ZFHX3: variants seen among roughly 807,000 people sequenced by gnomAD.
ZFHX3 encodes the protein zinc finger homeobox 3, also known as zinc finger homeobox protein 3.
In ZFHX3, 42 loss-of-function variants were observed where a neutral mutation model predicts 279.1. That is an observed-to-expected ratio of 0.15 (90% CI 0.12 to 0.19). The LOEUF (loss-of-function observed/expected upper bound fraction) is 0.19. Ranked by LOEUF, ZFHX3 falls within the 10% of genes least tolerant of loss-of-function variation. The probability of loss-of-function intolerance (pLI) is 1.00; values close to 1 mark genes in which losing one functional copy is unlikely to be tolerated. For missense variants in ZFHX3, 4,981 were observed against 4,754.0 expected (o/e 1.05, Z -1.40); for synonymous variants, 2,293 against 1,957.8 (o/e 1.17, Z -4.52).
At chr16:73,753,137 A>G (rs928285033) in intron 1 of ZFHX3, among the ~76,000 whole-genome samples, 1 of 152,186 alleles carries the variant, frequency 6.6e-6, no homozygotes, top group Non-Finnish European at 1.5e-5. Flanking sequence ...ATGTGCCTTA[A>G]GACATGTGTT....
At chr16:73,020,875 C>T (rs1398005642) in intron 1 of ZFHX3, among the ~76,000 whole-genome samples, 1 of 152,094 alleles carries the variant, frequency 6.6e-6, no homozygotes, top group Non-Finnish European at 1.5e-5. Context: ...CCCCCCAATA[C>T]TCTTCCATAG....
At chr16:73,483,013 A>T (rs2018897757) in intron 2 of ZFHX3, among the ~76,000 whole-genome samples, 1 of 152,260 alleles carries the variant, frequency 6.6e-6, no homozygotes, top group Non-Finnish European at 1.5e-5. Flanking sequence ...AGAGCTTCGT[A>T]GCTAAATCCT....
intron 3 of ZFHX3, among the ~76,000 whole-genome samples, chr16:72,897,804 T>C (rs1224933709): frequency 6.6e-6 from 1 of 152,134 alleles, no homozygotes; most frequent in East Asian, 1.9e-4. Context: ...GTTTTCATCC[T>C]TGGAGGAGCC....
chr16:72,805,127 A>T (rs1217687125), intron 7 of ZFHX3, among the ~76,000 whole-genome samples: 1 of 150,800 alleles, frequency 6.6e-6, no homozygotes, highest in Non-Finnish European at 1.5e-5. Context: ...ACAGATGTGC[A>T]CCACCACGCC....
At chr16:73,595,740 A>T (rs1489131342) in intron 2 of ZFHX3, among the ~76,000 whole-genome samples, 1 of 152,090 alleles carries the variant, frequency 6.6e-6, no homozygotes. Flanking sequence ...ACTTGAACTG[A>T]CTTTACCATC....
chr16:73,371,317 A>T (rs1430629536), intron 3 of ZFHX3, among the ~76,000 whole-genome samples: 1 of 151,724 alleles, frequency 6.6e-6, no homozygotes, highest in East Asian at 2.0e-4. Context: ...AAAACAAAAG[A>T]CCTCATCATT....
chr16:72,900,358 A>G (rs919873932), intron 3 of ZFHX3, among the ~76,000 whole-genome samples: 4 of 152,196 alleles, frequency 2.6e-5, no homozygotes, highest in Non-Finnish European at 2.9e-5. Context: ...ATCCCATGAC[A>G]GTCAATCCAG....
In ZFHX3 at chr16:73,037,315, T is replaced by C. The variant is rs1010605198; in HGVS notation, c.-50+10437A>G. Among the ~76,000 whole-genome samples the C allele has an allele frequency of 2.0e-5, 3 of 152,314 alleles. No homozygotes were observed. In the South Asian group the frequency reaches 6.2e-4, roughly 32 times the overall value. On this transcript the variant is annotated intron_variant, in intron 1 of 9. Coordinates refer to ENST00000268489, the MANE Select transcript of ZFHX3 (RefSeq NM_006885.4). ...CTGTAAAATTCTGCATCTCTTTAAGTTCTAAGAAAAGCGGTTTTTAGGGAA... is the reference window on the plus strand; with the variant it reads ...CTGTAAAATTCTGCATCTCTTTAAGCTCTAAGAAAAGCGGTTTTTAGGGAA...
intron 2 of ZFHX3, among the ~76,000 whole-genome samples, chr16:73,493,900 A>T (rs2019093852): frequency 6.6e-6 from 1 of 150,912 alleles, no homozygotes. Flanking sequence ...CACGATAAAA[A>T]GCCAAATTAA....
chr16:72,948,117 C>T (rs1305265645), intron 3 of ZFHX3, among the ~76,000 whole-genome samples: 1 of 152,126 alleles, frequency 6.6e-6, no homozygotes, highest in Non-Finnish European at 1.5e-5. Context: ...CAGGAGTGAG[C>T]GGGAGAGCTC....
chr16:72,796,270 G>C lies in ZFHX3; in HGVS notation c.6412C>G (p.Pro2138Ala). Reference sequence around the variant, plus strand: ...TTGTTCTGCTGCTGGAGCAGGGTTGGATTGAGCTGATGCTGGTAGAGTTGG... The same window carrying C: ...TTGTTCTGCTGCTGGAGCAGGGTTGCATTGAGCTGATGCTGGTAGAGTTGG... ...LAQLYQHQLNPTLLQQQNKRP... is the reference protein window; with the variant it reads ...LAQLYQHQLNATLLQQQNKRP... Residue 2138 changes from proline (P) to alanine (A), a missense_variant, in exon 9 of 10, where the codon CCA becomes GCA. This residue lies in a region of ZFHX3 where 1,751 missense variants were observed against 1,770.0 expected (regional missense o/e 0.99). Coordinates refer to ENST00000268489, the MANE Select transcript of ZFHX3 (RefSeq NM_006885.4). 3.7e-6 allele frequency: 6 copies of C among 1,614,094 alleles called. No individual in the cohort carries two copies. The highest frequency in any genetic ancestry group is 5.1e-6 in the Non-Finnish European group (6 of 1,180,018).
chr16:73,616,640 T>A (rs755802042), intron 2 of ZFHX3, among the ~76,000 whole-genome samples: 3 of 152,016 alleles, frequency 2.0e-5, no homozygotes, highest in Non-Finnish European at 4.4e-5. Context: ...ATAAAACGCA[T>A]GTCAACACTA....
intron 4 of ZFHX3, among the ~76,000 whole-genome samples, chr16:72,862,660 G>A (rs1451821502): frequency 1.3e-5 from 2 of 152,126 alleles, no homozygotes; most frequent in African/African-American, 4.8e-5. Context: ...AAGTAAAACT[G>A]CTCCTAAATG....
intron 3 of ZFHX3, among the ~76,000 whole-genome samples, chr16:72,906,960 C>CATT (rs1177639912): frequency 6.6e-6 from 1 of 152,192 alleles, no homozygotes; most frequent in African/African-American, 2.4e-5. Context: ...ACGCATGCTA[C>CATT]AAGTTTTTAT....
chr16:73,366,877 G>A (rs764305719), intron 3 of ZFHX3, among the ~76,000 whole-genome samples: 1 of 152,108 alleles, frequency 6.6e-6, no homozygotes, highest in African/African-American at 2.4e-5. Flanking sequence ...TTCATTTTTG[G>A]TTGGGATTCT....
intron 2 of ZFHX3, among the ~76,000 whole-genome samples, chr16:73,641,865 G>T (rs961326925): frequency 6.6e-6 from 1 of 152,080 alleles, no homozygotes; most frequent in African/African-American, 2.4e-5. Context: ...TACAAAAATA[G>T]AAATTAGTAA....
intron 1 of ZFHX3, among the ~76,000 whole-genome samples, chr16:73,008,036 A>G (rs1963778136): frequency 6.6e-6 from 1 of 152,050 alleles, no homozygotes; most frequent in African/African-American, 2.4e-5. Context: ...TTTTTCCCAA[A>G]TAGCTTTTAG....
At chr16:73,772,529 T>C (rs1471251211) in intron 1 of ZFHX3, among the ~76,000 whole-genome samples, 6 of 152,188 alleles carry the variant, frequency 3.9e-5, no homozygotes, top group Admixed American at 3.9e-4. Flanking sequence ...AGCCAAACCA[T>C]ATCACTGTGC....
At chr16:73,576,930 C>G (rs1434251830) in intron 2 of ZFHX3, among the ~76,000 whole-genome samples, 2 of 152,130 alleles carry the variant, frequency 1.3e-5, no homozygotes, top group Non-Finnish European at 2.9e-5. Flanking sequence ...TGTCTAAAAC[C>G]TCATAAGACA....
Sources: gnomAD v4.1 joint callset for allele counts (sites outside exome capture counted in the v4.1 genomes callset) on GRCh38, gnomAD v4.1.1 for gene constraint, gnomAD v4.1.1 regional missense constraint, MANE v1.5 for transcripts, NCBI Gene and HGNC (gene_info 2026-07-23, HGNC 2026-07-21) for gene names.